The following TPD52L1 variants were observed in gnomAD, a reference collection of about 807,000 sequenced individuals.
TPD52L1 encodes tumor protein D53.
Under a neutral mutation model 28.7 loss-of-function variants are expected in TPD52L1, and 18 were observed. That is an observed-to-expected ratio of 0.63 (90% CI 0.43 to 0.93). The LOEUF is 0.93. TPD52L1 is among the 40% of genes least tolerant of loss of function. The pLI, the probability that TPD52L1 is intolerant of heterozygous loss-of-function variation, is 0.00. For synonymous variants in TPD52L1, 75 were observed against 88.8 expected, an observed-to-expected ratio of 0.84 and a Z score of 0.88; for missense variants, 203 against 254.8, an observed-to-expected ratio of 0.80 and a Z score of 1.39.
intron 1 of TPD52L1, among the ~76,000 whole-genome samples, chr6:125,172,157 TTTTC>T (rs200343475): frequency 0.08 from 4,245 of 52,986 alleles, 233 homozygotes; most frequent in East Asian, 0.12. Flanking sequence ...TCTTTCTTTC[TTTTC>T]TTTCTTTCTT....
intron 1 of TPD52L1, among the ~76,000 whole-genome samples, chr6:125,154,988 G>T (rs554005055): frequency 1.3e-5 from 2 of 152,214 alleles, no homozygotes; most frequent in South Asian, 4.1e-4. Flanking sequence ...GGGGCAGAAC[G>T]CCCTGAATGA....
chr6:125,153,913 C>A lies in TPD52L1; in HGVS notation c.-39C>A. The A allele has an allele frequency of 6.3e-7, 1 of 1,592,930 alleles. No individual in the cohort carries two copies. The stretch of plus-strand genomic sequence containing the variant: ...AGCTGCCATCTGCTCTGGGAAGCAC[C>A]AGGGTGTCCCCGCCGCCCTCAGCTC... On this transcript the variant is annotated 5_prime_UTR_variant, in exon 1 of 7. Coordinates refer to ENST00000534000, the MANE Select transcript of TPD52L1 (RefSeq NM_003287.4).
intron 6 of TPD52L1, among the ~76,000 whole-genome samples, chr6:125,260,755 G>A (rs768451541): frequency 3.3e-5 from 5 of 151,232 alleles, no homozygotes; most frequent in Admixed American, 6.6e-5. Context: ...GGAGTAAGCC[G>A]AGATTGCACC....
chr6:125,252,295 A>G (rs1037922058), intron 4 of TPD52L1: 15 of 416,262 alleles, frequency 3.6e-5, no homozygotes, highest in African/African-American at 2.9e-4. Flanking sequence ...CTTTCTCTGC[A>G]CCATTTCTTC....
chr6:125,256,535 T>A (rs867096971), intron 5 of TPD52L1, among the ~76,000 whole-genome samples: 18 of 152,244 alleles, frequency 1.2e-4, no homozygotes, highest in African/African-American at 3.9e-4. Flanking sequence ...CCACTTCATG[T>A]AAGTTGTCAA....
At chr6:125,228,786 A>C (rs1005604614) in intron 2 of TPD52L1, among the ~76,000 whole-genome samples, 2 of 152,254 alleles carry the variant, frequency 1.3e-5, no homozygotes, top group Admixed American at 6.5e-5. Context: ...TATAGAAAGA[A>C]CATTTGGAAG....
chr6:125,157,432 G>A (rs1483462418), intron 1 of TPD52L1, among the ~76,000 whole-genome samples: 2 of 152,200 alleles, frequency 1.3e-5, no homozygotes, highest in Admixed American at 6.5e-5. Flanking sequence ...GGAGGTGGTA[G>A]GACACTAAAC....
rs534330998 is a variant in TPD52L1 at position 125,262,881 on chromosome 6, C to A, written c.534C>A (p.Val178=). ...TNPNGGSFEE[V]LSSTAHASAQ... ...CTAATGGAGGCAGTTTTGAGGAGGT[C>A]CTCAGCTCCACGGCCCATGCCAGTG... is the stretch of plus-strand genomic sequence containing the variant. The change falls in exon 7 of 7, where the codon GTC becomes GTA. Residue 178 remains valine, a synonymous_variant. Coordinates refer to ENST00000534000, the MANE Select transcript of TPD52L1 (RefSeq NM_003287.4). 6.2e-7 allele frequency: 1 copy of A among 1,614,242 alleles called. No homozygotes were observed. Among genetic ancestry groups the A allele is most frequent in the African/African-American group, 1.3e-5 (1 of 75,072 alleles).
intron 1 of TPD52L1, among the ~76,000 whole-genome samples, chr6:125,202,690 TA>T (rs1307937013): frequency 6.6e-6 from 1 of 151,982 alleles, no homozygotes; most frequent in African/African-American, 2.4e-5. Context: ...TCTTATAATA[TA>T]ATAAGTGAGA....
intron 1 of TPD52L1, among the ~76,000 whole-genome samples, chr6:125,198,179 A>G (rs1445920105): frequency 1.3e-5 from 2 of 152,168 alleles, no homozygotes; most frequent in African/African-American, 4.8e-5. Context: ...GTCTGGAGTT[A>G]GTTTCCTGAT....
At chr6:125,159,833 G>A (rs772311962) in intron 1 of TPD52L1, among the ~76,000 whole-genome samples, 14 of 152,138 alleles carry the variant, frequency 9.2e-5, no homozygotes, top group African/African-American at 1.2e-4. Context: ...GGGTGACCAC[G>A]TATGATATTG....
rs1554203761 is a variant in TPD52L1 at position 125,180,569 on chromosome 6, T to TATACACACAC, written c.19+26600_19+26601insTACACACACA. On this transcript the variant is annotated intron_variant, in intron 1 of 6. Transcript: ENST00000534000. ...TACACACACACACATATATTATATA[T>TATACACACAC]ACACACACACACACACACACACACA... 4.0e-5 allele frequency among the ~76,000 whole-genome samples: 6 copies of TATACACACAC among 150,264 alleles called. No homozygotes were observed. The East Asian group carries it at 1.2e-3, about 30-fold the overall frequency.
intron 1 of TPD52L1, among the ~76,000 whole-genome samples, chr6:125,187,372 C>A (rs953710520): frequency 1.7e-4 from 26 of 152,102 alleles, no homozygotes; most frequent in Admixed American, 1.2e-3. Flanking sequence ...GGAAAATAAT[C>A]AGGCAACAGC....
intron 6 of TPD52L1, 128 bp from the exon 7 acceptor site, chr6:125,262,706 T>A (rs1451963445): frequency 7.9e-6 from 10 of 1,272,188 alleles, no homozygotes; most frequent in Non-Finnish European, 8.6e-6. Flanking sequence ...CTTCTGTGCA[T>A]TCTTTTGTCT....
chr6:125,176,360 A>T (rs1057433506), intron 1 of TPD52L1, among the ~76,000 whole-genome samples: 3 of 152,168 alleles, frequency 2.0e-5, no homozygotes, highest in African/African-American at 7.2e-5. Context: ...TGAATGTGCC[A>T]TCTCCCCAAG....
chr6:125,249,888 A>C (rs1332237244), intron 4 of TPD52L1, among the ~76,000 whole-genome samples: 1 of 152,110 alleles, frequency 6.6e-6, no homozygotes, highest in Non-Finnish European at 1.5e-5. Context: ...GAATCTGAGT[A>C]CATTGTTTTA....
chr6:125,157,553 T>A (rs2114726819), intron 1 of TPD52L1, among the ~76,000 whole-genome samples: 1 of 152,238 alleles, frequency 6.6e-6, no homozygotes, highest in Non-Finnish European at 1.5e-5. Flanking sequence ...TGGTACCAGA[T>A]AATTTTGCTT....
At chr6:125,196,909 T>G (rs1213262407) in intron 1 of TPD52L1, among the ~76,000 whole-genome samples, 1 of 152,198 alleles carries the variant, frequency 6.6e-6, no homozygotes, top group East Asian at 1.9e-4. Context: ...GTAGTCATAT[T>G]CCTAGATCAT....
At chr6:125,206,627 T>C (rs1794160276) in intron 1 of TPD52L1, among the ~76,000 whole-genome samples, 1 of 152,174 alleles carries the variant, frequency 6.6e-6, no homozygotes, top group East Asian at 1.9e-4. Context: ...TCACAGGCAG[T>C]CTAGGTGGAA....
Sources: allele counts gnomAD v4.1 joint callset (sites outside exome capture counted in the v4.1 genomes callset), GRCh38; gene constraint gnomAD v4.1.1; transcripts MANE v1.5; gene names NCBI Gene and HGNC (gene_info 2026-07-23, HGNC 2026-07-21).